ST8SIA6: variants seen among roughly 807,000 people sequenced by gnomAD.
The protein encoded by ST8SIA6 is alpha-2,8-sialyltransferase 8F.
A neutral mutation model predicts 33.6 loss-of-function variants in ST8SIA6; 39 were observed. The observed-to-expected ratio is 1.16, with a 90% CI of 0.90 to 1.52. ST8SIA6 has a LOEUF of 1.52. Ranked by LOEUF, ST8SIA6 falls within the 40% of genes most tolerant of loss-of-function variation. The pLI, the probability that ST8SIA6 is intolerant of heterozygous loss-of-function variation, is 0.00. For synonymous variants in ST8SIA6, 172 were observed against 167.2 expected (o/e 1.03, Z -0.22); for missense variants, 441 against 443.8 (o/e 0.99, Z 0.06).
At chr10:17,442,698 A>T (rs1852543251) in intron 2 of ST8SIA6, among the ~76,000 whole-genome samples, 1 of 152,250 alleles carries the variant, frequency 6.6e-6, no homozygotes. Context: ...CTTTGTTAAT[A>T]TACAGTCTGC....
intron 2 of ST8SIA6, among the ~76,000 whole-genome samples, chr10:17,427,210 C>T (rs186832027): frequency 1.4e-4 from 21 of 152,094 alleles, no homozygotes; most frequent in African/African-American, 4.6e-4. Context: ...ACTGCTAATA[C>T]CTCCAGCATT....
chr10:17,350,866 T>C (rs1849008499), intron 4 of ST8SIA6, among the ~76,000 whole-genome samples: 1 of 152,106 alleles, frequency 6.6e-6, no homozygotes, highest in African/African-American at 2.4e-5. Flanking sequence ...AGAGTAGAGT[T>C]TGATCTTCAA....
Position 17,320,714 on chromosome 10 carries a change from TTGAA to T in ST8SIA6, c.*160_*163del. 7.9e-6 allele frequency: 5 copies of T among 633,108 alleles called. No homozygotes were observed. The highest frequency in any genetic ancestry group is 1.4e-5 in the Non-Finnish European group (5 of 363,108). 39.2% of individuals were successfully genotyped at this position (633,108 alleles called of 1,614,324 possible). A position where few individuals can be genotyped will look rare whatever the true frequency, so the allele number is the denominator to read the frequency against. ...GGAGAAAAAATGAAGATGAGAAGGA[TTGAA>T]TGACTTGCCATCATTGCAAAATGAG... On this transcript the variant is annotated 3_prime_UTR_variant, in exon 8 of 8. Transcript: ENST00000377602.
At chr10:17,361,601 A>G (rs927116567) in intron 3 of ST8SIA6, among the ~76,000 whole-genome samples, 11 of 151,722 alleles carry the variant, frequency 7.3e-5, no homozygotes, top group Admixed American at 2.0e-4. Context: ...AAGGAATATT[A>G]ATACCAATTG....
chr10:17,437,583 C>A (rs990758133), intron 2 of ST8SIA6, among the ~76,000 whole-genome samples: 2 of 151,930 alleles, frequency 1.3e-5, no homozygotes, highest in African/African-American at 2.4e-5. Context: ...CTTGTGGTAC[C>A]CACATTCAGG....
At chr10:17,385,393 T>C (rs113772329) in intron 3 of ST8SIA6, among the ~76,000 whole-genome samples, 5,801 of 152,248 alleles carry the variant, frequency 0.038, 139 homozygotes, top group African/African-American at 0.062. Flanking sequence ...ACGGTGTCTG[T>C]GTGAAGAGAC....
At chr10:17,377,979 A>G (rs1052006065) in intron 3 of ST8SIA6, among the ~76,000 whole-genome samples, 2 of 152,202 alleles carry the variant, frequency 1.3e-5, no homozygotes, top group African/African-American at 4.8e-5. Flanking sequence ...CAACACTTTT[A>G]TAACAACAGG....
At chr10:17,378,941 A>G (rs147545749) in intron 3 of ST8SIA6, among the ~76,000 whole-genome samples, 7,097 of 152,120 alleles carry the variant, frequency 0.047, 285 homozygotes, top group African/African-American at 0.11. Flanking sequence ...CCTGGCTAAC[A>G]TGGTGAAACC....
chr10:17,353,543 A>T (rs1849098773), intron 4 of ST8SIA6, among the ~76,000 whole-genome samples: 1 of 152,230 alleles, frequency 6.6e-6, no homozygotes. Context: ...ATCTACAAAT[A>T]CAGCACTGGA....
At chr10:17,444,517 G>A (rs1852628489) in intron 2 of ST8SIA6, among the ~76,000 whole-genome samples, 1 of 152,178 alleles carries the variant, frequency 6.6e-6, no homozygotes, top group Non-Finnish European at 1.5e-5. Context: ...ACAGAGGAAA[G>A]GCAATAGCAG....
chr10:17,433,694 C>T (rs1852169100), intron 2 of ST8SIA6, among the ~76,000 whole-genome samples: 1 of 152,186 alleles, frequency 6.6e-6, no homozygotes, highest in South Asian at 2.1e-4. Flanking sequence ...GCTTGAATAT[C>T]AGCTCTGCCT....
At chr10:17,443,923 A>T (rs1479971846) in intron 2 of ST8SIA6, among the ~76,000 whole-genome samples, 1 of 152,200 alleles carries the variant, frequency 6.6e-6, no homozygotes, top group African/African-American at 2.4e-5. Context: ...TAGATCACAG[A>T]ACAGCTGAAG....
chr10:17,373,855 T>C (rs1849807686), intron 3 of ST8SIA6, among the ~76,000 whole-genome samples: 1 of 152,190 alleles, frequency 6.6e-6, no homozygotes, highest in Admixed American at 6.5e-5. Flanking sequence ...CCTTCTGATA[T>C]GAATGCGTAA....
intron 4 of ST8SIA6, among the ~76,000 whole-genome samples, chr10:17,336,983 T>C (rs532637405): frequency 6.6e-6 from 1 of 152,316 alleles, no homozygotes; most frequent in East Asian, 1.9e-4. Flanking sequence ...GGTTTGGGTC[T>C]GTGTCCTCAT....
chr10:17,411,172 TTGTG>T (rs72283269), intron 2 of ST8SIA6, among the ~76,000 whole-genome samples: 33,707 of 149,990 alleles, frequency 0.22, 4,416 homozygotes, highest in East Asian at 0.57. Context: ...CTTGAACTCT[TTGTG>T]TGTGTGTGTG....
At chr10:17,376,238 A>G (rs1849913766) in intron 3 of ST8SIA6, among the ~76,000 whole-genome samples, 3 of 152,172 alleles carry the variant, frequency 2.0e-5, no homozygotes, top group Non-Finnish European at 1.5e-5. Flanking sequence ...ATGGTTGAAA[A>G]TGGCTTGATC....
chr10:17,375,915 A>G (rs1365477906), intron 3 of ST8SIA6, among the ~76,000 whole-genome samples: 2 of 152,180 alleles, frequency 1.3e-5, no homozygotes, highest in Admixed American at 1.3e-4. Flanking sequence ...CCTATAATCA[A>G]TAGAATGATC....
chr10:17,427,115 A>AT (rs907974540), intron 2 of ST8SIA6, among the ~76,000 whole-genome samples: 1 of 151,888 alleles, frequency 6.6e-6, no homozygotes, highest in Non-Finnish European at 1.5e-5. Flanking sequence ...AAAAAAAAAA[A>AT]AAAGTTCTGT....
At chr10:17,373,245 C>G (rs1367143972) in intron 3 of ST8SIA6, among the ~76,000 whole-genome samples, 2 of 152,186 alleles carry the variant, frequency 1.3e-5, no homozygotes, top group African/African-American at 2.4e-5. Flanking sequence ...AGGCTGTGCA[C>G]AAACTGTCTT....
Sources: allele counts gnomAD v4.1 joint callset (sites outside exome capture counted in the v4.1 genomes callset), GRCh38; gene constraint gnomAD v4.1.1; transcripts MANE v1.5; gene names NCBI Gene and HGNC (gene_info 2026-07-23, HGNC 2026-07-21).